ZDHHC21: variants seen among roughly 807,000 people sequenced by gnomAD.
ZDHHC21 encodes palmitoyltransferase ZDHHC21.
In ZDHHC21, 15 loss-of-function variants were observed where a neutral mutation model predicts 34.6. The ratio of observed to expected loss-of-function variants is 0.43; its 90% CI spans 0.29 to 0.67. The LOEUF is 0.67. ZDHHC21 is among the 30% of genes least tolerant of loss of function. The pLI is 0.14. For synonymous variants in ZDHHC21, 142 were observed against 101.8 expected (o/e 1.40, Z -2.38); for missense variants, 344 against 327.7 (o/e 1.05, Z -0.38).
intron 9 of ZDHHC21, 123 bp from the exon 10 acceptor site, chr9:14,619,221 A>C: frequency 9.4e-7 from 1 of 1,058,992 alleles, no homozygotes; most frequent in Non-Finnish European, 1.3e-6. Context: ...CCAGCATCAT[A>C]AATACAGCTT....
At position 14,639,113 on chromosome 9, in the gene ZDHHC21, C is replaced by T. The variant is rs113059738; in HGVS notation, c.621+783G>A. On this transcript the variant is annotated intron_variant, in intron 8 of 9. Transcript: ENST00000380916. ...AAGGATAGGAAATCAACCTAAGTGT[C>T]TATCAACAGATGAATGAATTTTAAA... Among the ~76,000 whole-genome samples, 1,508 of 152,142 alleles carry T rather than the reference C, an allele frequency of 9.9e-3. 13 individuals carry two copies. Among genetic ancestry groups the T allele is most frequent in the Middle Eastern group, 0.031 (9 of 294 alleles).
At chr9:14,608,443 T>C (rs1410092354), downstream of ZDHHC21, among the ~76,000 whole-genome samples, 1 of 152,120 alleles carries the variant, frequency 6.6e-6, no homozygotes, top group Non-Finnish European at 1.5e-5. Flanking sequence ...AGTATCTGAG[T>C]GCTTGGAATT....
the ZDHHC21 span, among the ~76,000 whole-genome samples, chr9:14,592,220 C>T: frequency 1.3e-5 from 2 of 151,978 alleles, no homozygotes; most frequent in African/African-American, 4.8e-5. Context: ...ATTTTCTTAG[C>T]AGTTAGTGTA....
In ZDHHC21 at chr9:14,622,075, A is replaced by T. The variant is rs115890732; in HGVS notation, c.622-2393T>A. Among the ~76,000 whole-genome samples the T allele has an allele frequency of 5.2e-3, 794 of 152,200 alleles. 10 individuals are homozygous for T. The highest frequency in any genetic ancestry group is 0.018 in the African/African-American group (758 of 41,544). On this transcript the variant is annotated intron_variant, in intron 8 of 9. Coordinates refer to ENST00000380916, the MANE Select transcript of ZDHHC21 (RefSeq NM_178566.6). ...TTCACTTGTCCAGGAATGATAACAA[A>T]CAAGTTTTTACTATGTGTCGTCTAC... is the stretch of plus-strand genomic sequence containing the variant.
intron 7 of ZDHHC21, among the ~76,000 whole-genome samples, chr9:14,652,502 T>G (rs528906133): frequency 2.3e-4 from 35 of 152,068 alleles, no homozygotes; most frequent in Non-Finnish European, 4.4e-4. Flanking sequence ...AAAAGAATAT[T>G]TTAAAAGTAA....
chr9:14,645,345 G>C (rs1830102400), intron 7 of ZDHHC21, among the ~76,000 whole-genome samples: 1 of 152,034 alleles, frequency 6.6e-6, no homozygotes, highest in African/African-American at 2.4e-5. Flanking sequence ...GCACTACAGA[G>C]TGGAGGGGAA....
chr9:14,605,247 T>C, the ZDHHC21 span, among the ~76,000 whole-genome samples: 1 of 151,572 alleles, frequency 6.6e-6, no homozygotes, highest in Non-Finnish European at 1.5e-5. Context: ...TCCTGAATCA[T>C]ATAGCATTTC....
intron 1 of ZDHHC21, among the ~76,000 whole-genome samples, chr9:14,692,776 C>G (rs1475641012): frequency 6.6e-6 from 1 of 151,980 alleles, no homozygotes; most frequent in African/African-American, 2.4e-5. Context: ...CACCAGAAGT[C>G]TGGAATGAAT....
In ZDHHC21 at chr9:14,671,618, A is replaced by T. The variant is rs1027279679; in HGVS notation, c.253+1212T>A. 7.2e-5 allele frequency among the ~76,000 whole-genome samples: 11 copies of T among 152,058 alleles called. No individual in the cohort carries two copies. The East Asian group carries it at 7.7e-4, about 11-fold the overall frequency. ...AACAGGACGCATTTTTTTTAACTTG[A>T]AAGAATTTCCACTGTAATGCTATGT... On this transcript the variant is annotated intron_variant, in intron 5 of 9. Coordinates refer to ENST00000380916, the MANE Select transcript of ZDHHC21 (RefSeq NM_178566.6).
At position 14,612,395 on chromosome 9, in the gene ZDHHC21, G is replaced by A. The variant is rs966061527; in HGVS notation, c.*6571C>T. 6.6e-6 allele frequency: 1 copy of A among 151,958 alleles called. No individual in the cohort carries two copies. The highest frequency in any genetic ancestry group is 1.5e-5 in the Non-Finnish European group (1 of 67,918). The allele number at this position is 151,958 out of a possible 1,614,324, so 9.4% of individuals were successfully genotyped here. A position where few individuals can be genotyped will look rare whatever the true frequency, so the allele number is the denominator to read the frequency against. On this transcript the variant is annotated 3_prime_UTR_variant, in exon 10 of 10. Transcript: ENST00000380916. ...TTTTAGCTGCAGTTGTAAGGACACT[G>A]AGTGTTTTGAGAATTTTAAAGGGAA...
chr9:14,656,263 A>G (rs1832188765), intron 7 of ZDHHC21, among the ~76,000 whole-genome samples: 4 of 151,954 alleles, frequency 2.6e-5, no homozygotes, highest in Admixed American at 2.6e-4. Flanking sequence ...AAGTTTAGTT[A>G]TAATTCTGGT....
In ZDHHC21 at chr9:14,690,729, G is replaced by A. The variant is rs574204465; in HGVS notation, c.-224-344C>T. ...TTTTTGTTCAGGGACCTATCAATGA[G>A]CACAGTGATGATTCACATGTCTATG... On this transcript the variant is annotated intron_variant, in intron 1 of 9. Transcript: ENST00000380916. 5.9e-5 allele frequency among the ~76,000 whole-genome samples: 9 copies of A among 152,278 alleles called. No homozygotes were observed. In the South Asian group the frequency reaches 1.9e-3, roughly 32 times the overall value.
chr9:14,601,129 C>A, the ZDHHC21 span, among the ~76,000 whole-genome samples: 1 of 152,110 alleles, frequency 6.6e-6, no homozygotes, highest in South Asian at 2.1e-4. Flanking sequence ...GCAATGGCAA[C>A]AAAAGCCAAA....
chr9:14,674,554 T>A (rs1836020075), intron 3 of ZDHHC21, among the ~76,000 whole-genome samples, 169 bp from the exon 4 acceptor site: 1 of 152,048 alleles, frequency 6.6e-6, no homozygotes, highest in Non-Finnish European at 1.5e-5. Flanking sequence ...ATTTTTACAA[T>A]AAATACTTGG....
chr9:14,690,220 A>T (rs745624385), intron 2 of ZDHHC21, 117 bp downstream of exon 2: 2 of 385,218 alleles, frequency 5.2e-6, no homozygotes, highest in Non-Finnish European at 5.0e-6. Context: ...CACCACACCA[A>T]GAGAGATTGG....
Position 14,617,658 on chromosome 9 carries a change from GT to G in ZDHHC21, c.*1307del, listed in dbSNP as rs1824489725. On this transcript the variant is annotated 3_prime_UTR_variant, in exon 10 of 10. Coordinates refer to ENST00000380916, the MANE Select transcript of ZDHHC21 (RefSeq NM_178566.6). Reference sequence around the variant, plus strand: ...CTAATGGAAAAAAACTAAAAGCTGAGTTTTTTTCAAAGCATACTAAATGTCT... The same window carrying G: ...CTAATGGAAAAAAACTAAAAGCTGAGTTTTTTCAAAGCATACTAAATGTCT... 1.3e-5 allele frequency: 2 copies of G among 151,908 alleles called. No homozygotes were observed. The highest frequency in any genetic ancestry group is 2.1e-4 in the South Asian group (1 of 4,820). 9.4% of individuals were successfully genotyped at this position (151,908 alleles called of 1,614,324 possible).
intron 7 of ZDHHC21, among the ~76,000 whole-genome samples, chr9:14,646,567 A>G (rs959999078): frequency 2.0e-5 from 3 of 151,974 alleles, no homozygotes; most frequent in African/African-American, 7.2e-5. Context: ...GATCTCATCT[A>G]CCACTTTCTT....
Position 14,674,393 on chromosome 9 carries a change from GA to G in ZDHHC21, c.-45-9del. On this transcript the variant is annotated splice_polypyrimidine_tract_variant and intron_variant, in intron 3 of 9. Transcript: ENST00000380916. ...CCACAAGGAAGGATGATCCTAAGGA[GA>G]AGGAACAAAGAAAATAATTACTTAC... 6.6e-7 allele frequency: 1 copy of G among 1,507,448 alleles called. No individual in the cohort carries two copies. Among genetic ancestry groups the G allele is most frequent in the Non-Finnish European group, 8.8e-7 (1 of 1,130,456 alleles). The allele number at this position is 1,507,448 out of a possible 1,614,324, so 93.4% of individuals were successfully genotyped here.
chr9:14,619,804 A>AC, intron 8 of ZDHHC21, 122 bp from the exon 9 acceptor site: 1 of 478,664 alleles, frequency 2.1e-6, no homozygotes. Flanking sequence ...CAGTTTATAT[A>AC]TGAGTATTAT....
Sources: allele counts gnomAD v4.1 joint callset (sites outside exome capture counted in the v4.1 genomes callset), GRCh38; gene constraint gnomAD v4.1.1; transcripts MANE v1.5; gene names NCBI Gene and HGNC (gene_info 2026-07-23, HGNC 2026-07-21).